Variants in DPP6 observed in about 807,000 individuals in gnomAD.
DPP6 encodes dipeptidyl peptidase like 6.
DPP6 carries 69 observed loss-of-function variants against 122.6 expected under a neutral mutation model. The observed-to-expected ratio is 0.56, with a 90% CI of 0.46 to 0.69. The LOEUF (loss-of-function observed/expected upper bound fraction) is 0.69. DPP6 is among the 30% of genes least tolerant of loss of function. The probability of loss-of-function intolerance (pLI) is 0.00; values close to 1 mark genes in which losing one functional copy is unlikely to be tolerated. For synonymous variants in DPP6, 418 were observed against 433.1 expected, an observed-to-expected ratio of 0.97 and a Z score of 0.43; for missense variants, 928 against 1,116.9, an observed-to-expected ratio of 0.83 and a Z score of 2.41.
chr7:154,449,120 A>G (rs1182527126), intron 2 of DPP6, among the ~76,000 whole-genome samples: 1 of 152,220 alleles, frequency 6.6e-6, no homozygotes, highest in African/African-American at 2.4e-5. Context: ...ACTATCAAGA[A>G]AGTGAAAAGA....
At chr7:154,142,709 A>G (rs532210660) in intron 1 of DPP6, among the ~76,000 whole-genome samples, 1 of 151,982 alleles carries the variant, frequency 6.6e-6, no homozygotes, top group African/African-American at 2.4e-5. Flanking sequence ...AAACCATGAA[A>G]ATTAAATTAA....
At chr7:154,837,112 C>T (rs1456463845) in intron 16 of DPP6, among the ~76,000 whole-genome samples, 1 of 152,184 alleles carries the variant, frequency 6.6e-6, no homozygotes, top group African/African-American at 2.4e-5. Context: ...TGCATGCACA[C>T]ACACACATGC....
chr7:154,462,012 T>C (rs1056501531), intron 2 of DPP6, among the ~76,000 whole-genome samples: 2 of 152,216 alleles, frequency 1.3e-5, no homozygotes, highest in Admixed American at 1.3e-4. Context: ...TGTAGTCCTT[T>C]AATCCATTTT....
At chr7:153,868,396 A>G in the DPP6 span, among the ~76,000 whole-genome samples, 1 of 152,208 alleles carries the variant, frequency 6.6e-6, no homozygotes, top group Non-Finnish European at 1.5e-5. Context: ...GTATGTGTCT[A>G]GGAATTTATC....
chr7:154,840,401 C>T (rs1801427793), intron 16 of DPP6, among the ~76,000 whole-genome samples: 1 of 152,188 alleles, frequency 6.6e-6, no homozygotes, highest in Non-Finnish European at 1.5e-5. Context: ...GAAGCGGAAG[C>T]CTTTCCAGTC....
chr7:154,257,171 T>G (rs1802711422), intron 1 of DPP6, among the ~76,000 whole-genome samples: 4 of 151,936 alleles, frequency 2.6e-5, no homozygotes, highest in Admixed American at 2.0e-4. Context: ...CATTTTTTTG[T>G]AGAGATGAGT....
chr7:154,702,869 G>A (rs1840601582), intron 7 of DPP6, among the ~76,000 whole-genome samples: 1 of 152,230 alleles, frequency 6.6e-6, no homozygotes, highest in Non-Finnish European at 1.5e-5. Context: ...GGAAGATGAT[G>A]CCATCTAGGA....
At chr7:154,090,948 G>A (rs1171988548) in intron 1 of DPP6, among the ~76,000 whole-genome samples, 2 of 149,146 alleles carry the variant, frequency 1.3e-5, no homozygotes, top group East Asian at 2.0e-4. Flanking sequence ...GTGAAACCCC[G>A]TCTCTACTAA....
chr7:153,843,997 G>A, the DPP6 span, among the ~76,000 whole-genome samples: 10,631 of 152,084 alleles, frequency 0.07, 585 homozygotes, highest in South Asian at 0.23. Flanking sequence ...CCATGCATCC[G>A]TTTATAGGCT....
At chr7:154,388,282 C>T (rs933543412) in intron 1 of DPP6, among the ~76,000 whole-genome samples, 1 of 152,092 alleles carries the variant, frequency 6.6e-6, no homozygotes, top group African/African-American at 2.4e-5. Context: ...GTGAGAGACC[C>T]TGTCAAAAAA....
rs189844813 is a variant in DPP6, at chr7:154,393,820, C to T, written c.244-52394C>T. ...TCTCTTCATTCCTCCCTCCCCCAAT[C>T]GCTAGCAACCACCATCCAATGTTCT... On this transcript the variant is annotated intron_variant, in intron 1 of 25. Transcript: ENST00000377770. Among the ~76,000 whole-genome samples the T allele has an allele frequency of 7.9e-5, 12 of 152,228 alleles. No homozygotes were observed. In the East Asian group the frequency reaches 1.7e-3, roughly 22 times the overall value.
At position 154,600,996 on chromosome 7, in the gene DPP6, C is replaced by T. The variant is rs1179948908; in HGVS notation, c.627+34080C>T. ...ATCCCAGCTACTTGGGAGGCTGAGG[C>T]AGGAGAATCGCTTGAACCCTGGAGG... is the stretch of plus-strand genomic sequence containing the variant. On this transcript the variant is annotated intron_variant, in intron 5 of 25. Transcript: ENST00000377770. Among the ~76,000 whole-genome samples, 2 of 120,678 alleles carry T rather than the reference C, an allele frequency of 1.7e-5. 1 individual carries two copies. The highest frequency in any genetic ancestry group is 3.7e-5 in the Non-Finnish European group (2 of 53,556). 79.2% of individuals were successfully genotyped at this position (120,678 alleles called of 152,430 possible).
At chr7:153,783,765 C>T in the DPP6 span, among the ~76,000 whole-genome samples, 2 of 152,170 alleles carry the variant, frequency 1.3e-5, no homozygotes, top group African/African-American at 4.8e-5. Flanking sequence ...CCATACCCTA[C>T]CTTCCAGTAA....
chr7:154,432,549 T>G (rs1818512899), intron 1 of DPP6, among the ~76,000 whole-genome samples: 1 of 152,194 alleles, frequency 6.6e-6, no homozygotes, highest in African/African-American at 2.4e-5. Flanking sequence ...CACCCCCTTC[T>G]CCATCGGGAC....
At chr7:154,818,810 C>T (rs1799579809) in intron 16 of DPP6, among the ~76,000 whole-genome samples, 1 of 152,100 alleles carries the variant, frequency 6.6e-6, no homozygotes, top group Non-Finnish European at 1.5e-5. Flanking sequence ...GGAGCCATTC[C>T]CTTTGAGGCT....
intron 16 of DPP6, among the ~76,000 whole-genome samples, chr7:154,816,126 G>A (rs567337675): frequency 6.6e-6 from 1 of 152,270 alleles, no homozygotes; most frequent in South Asian, 2.1e-4. Context: ...GGGCATCTTG[G>A]TTAACCTTGC....
At chr7:154,302,258 C>A (rs1161126006) in intron 1 of DPP6, among the ~76,000 whole-genome samples, 1 of 152,196 alleles carries the variant, frequency 6.6e-6, no homozygotes, top group African/African-American at 2.4e-5. Flanking sequence ...TTCAAAGCCT[C>A]ATAGAAGTGG....
chr7:154,717,614 T>C (rs12666280), intron 7 of DPP6, among the ~76,000 whole-genome samples: 61,467 of 152,162 alleles, frequency 0.4, 14,972 homozygotes, highest in South Asian at 0.57. Flanking sequence ...CTTGTATACA[T>C]GCATACCACA....
intron 1 of DPP6, among the ~76,000 whole-genome samples, chr7:154,000,327 A>G (rs2129045499): frequency 6.6e-6 from 1 of 152,354 alleles, no homozygotes; most frequent in African/African-American, 2.4e-5. Flanking sequence ...TGTCCTTGCT[A>G]GCTCATTGCG....
Sources: allele counts gnomAD v4.1 joint callset (sites outside exome capture counted in the v4.1 genomes callset), GRCh38; gene constraint gnomAD v4.1.1; transcripts MANE v1.5; gene names NCBI Gene and HGNC (gene_info 2026-07-23, HGNC 2026-07-21).